Variants in SLCO4C1 observed in about 807,000 individuals in gnomAD.
SLCO4C1 encodes solute carrier organic anion transporter family member 4C1.
SLCO4C1 carries 58 observed loss-of-function variants against 72.1 expected under a neutral mutation model. That is an observed-to-expected ratio of 0.80 (90% confidence interval 0.65 to 1.00). The LOEUF is 1.00. Among genes scored for constraint, SLCO4C1 ranks in the 50% least tolerant of loss-of-function variants. SLCO4C1 has a pLI of 0.00. For synonymous variants in SLCO4C1, 297 were observed against 312.5 expected (o/e 0.95, Z 0.52); for missense variants, 898 against 857.9 (o/e 1.05, Z -0.58).
At chr5:102,265,794 A>T (rs1749026878) in intron 3 of SLCO4C1, among the ~76,000 whole-genome samples, 1 of 152,160 alleles carries the variant, frequency 6.6e-6, no homozygotes, top group Middle Eastern at 3.4e-3. Context: ...GCTATTTGGC[A>T]TCTTTTCTAG....
At chr5:102,260,368 ATATAT>A (rs35999350) in intron 5 of SLCO4C1, 49 bp from the exon 6 acceptor site, 207,479 of 271,974 alleles carry the variant, frequency 0.76, 79,838 homozygotes, top group Middle Eastern at 0.82. Context: ...TATACATATA[ATATAT>A]TATATGTATA....
At position 102,234,752 on chromosome 5, in the gene SLCO4C1, T is replaced by C. The variant is rs1325380825; in HGVS notation, c.*2106A>G. The C allele has an allele frequency of 1.3e-5, 2 of 152,094 alleles. No homozygotes were observed. Among genetic ancestry groups the C allele is most frequent in the Non-Finnish European group, 2.9e-5 (2 of 68,024 alleles). 9.4% of individuals were successfully genotyped at this position (152,094 alleles called of 1,614,324 possible). ...CCTTTATGTTACAACTATGAAAGTC[T>C]TCAATCCAATTCCCTGCTTCCACAC... On this transcript the variant is annotated 3_prime_UTR_variant, in exon 13 of 13. Coordinates refer to ENST00000310954, the MANE Select transcript of SLCO4C1 (RefSeq NM_180991.5).
intron 10 of SLCO4C1, among the ~76,000 whole-genome samples, chr5:102,241,577 C>T (rs1287960807): frequency 6.6e-6 from 1 of 151,792 alleles, no homozygotes; most frequent in Non-Finnish European, 1.5e-5. Context: ...CTATAAAACA[C>T]TGATGAAAGA....
At position 102,260,233 on chromosome 5, in the gene SLCO4C1, CT is replaced by C; in HGVS notation, c.1107del (p.Asp370IlefsTer6). ...NADVKFGKSI[K>X]DFPAALKNLM... ...TTTACCTTTAGAGCAGCTGGAAAAT[CT>C]TTAATACTTTTTCCAAATTTCACAT... On this transcript the variant is annotated frameshift_variant, in exon 6 of 13. Transcript: ENST00000310954. LOFTEE classifies it high-confidence loss of function. 7.2e-7 allele frequency: 1 copy of C among 1,384,450 alleles called. No homozygotes were observed. The allele number at this position is 1,384,450 out of a possible 1,614,324, so 85.8% of individuals were successfully genotyped here. A position where few individuals can be genotyped will look rare whatever the true frequency, so the allele number is the denominator to read the frequency against.
At chr5:102,249,210 G>A (rs1177320550) in intron 9 of SLCO4C1, among the ~76,000 whole-genome samples, 1 of 151,766 alleles carries the variant, frequency 6.6e-6, no homozygotes, top group Non-Finnish European at 1.5e-5. Context: ...GCTAAACATG[G>A]ATCAAAAATA....
At chr5:102,278,172 T>C (rs1749283888) in intron 2 of SLCO4C1, among the ~76,000 whole-genome samples, 1 of 152,120 alleles carries the variant, frequency 6.6e-6, no homozygotes, top group Non-Finnish European at 1.5e-5. Flanking sequence ...GGAAAAAACA[T>C]ATCATCCAAG....
intron 11 of SLCO4C1, among the ~76,000 whole-genome samples, chr5:102,239,799 A>T (rs1322430113): frequency 6.6e-6 from 1 of 152,070 alleles, no homozygotes; most frequent in Non-Finnish European, 1.5e-5. Flanking sequence ...GTGGGTGTGC[A>T]TGTGTATATA....
intron 3 of SLCO4C1, among the ~76,000 whole-genome samples, chr5:102,264,665 A>G (rs911783268): frequency 6.7e-6 from 1 of 150,300 alleles, no homozygotes; most frequent in African/African-American, 2.5e-5. Flanking sequence ...TTGAACATAT[A>G]CAATGAGTAA....
intron 2 of SLCO4C1, among the ~76,000 whole-genome samples, chr5:102,289,707 G>A (rs1445159212): frequency 5.9e-5 from 9 of 152,210 alleles, no homozygotes; most frequent in African/African-American, 2.2e-4. Context: ...GCCTTGTGCA[G>A]TCTTGTCCAA....
At chr5:102,256,978 C>A in intron 8 of SLCO4C1, 137 bp downstream of exon 8, 3 of 584,990 alleles carry the variant, frequency 5.1e-6, no homozygotes, top group Non-Finnish European at 5.4e-6. Flanking sequence ...AAAACAAAAC[C>A]ACATGTTCTT....
At chr5:102,252,053 C>T (rs371547424) in intron 8 of SLCO4C1, among the ~76,000 whole-genome samples, 26 of 140,028 alleles carry the variant, frequency 1.9e-4, no homozygotes, top group Non-Finnish European at 3.7e-4. Context: ...GGGAGAAAAG[C>T]GAGAAGGAAG....
At chr5:102,250,635 A>C (rs541067434) in intron 8 of SLCO4C1, among the ~76,000 whole-genome samples, 22 of 152,268 alleles carry the variant, frequency 1.4e-4, no homozygotes, top group African/African-American at 5.1e-4. Flanking sequence ...AGGACACCTA[A>C]CACAAGCCAA....
intron 2 of SLCO4C1, among the ~76,000 whole-genome samples, chr5:102,284,102 A>G (rs1749405353): frequency 6.6e-6 from 1 of 152,128 alleles, no homozygotes; most frequent in East Asian, 1.9e-4. Flanking sequence ...TTCGGTCGCC[A>G]GAAAAAAATA....
intron 6 of SLCO4C1, among the ~76,000 whole-genome samples, chr5:102,259,839 T>A (rs984924641): frequency 1.3e-5 from 2 of 152,146 alleles, no homozygotes; most frequent in Non-Finnish European, 2.9e-5. Context: ...AAGGAACCAC[T>A]GAATATGATA....
intron 2 of SLCO4C1, among the ~76,000 whole-genome samples, chr5:102,287,754 C>T (rs1749482350): frequency 6.6e-6 from 1 of 151,710 alleles, no homozygotes; most frequent in African/African-American, 2.4e-5. Context: ...CGGGGTTTCA[C>T]TGTGTTGGCC....
chr5:102,274,820 C>T (rs895719160), intron 2 of SLCO4C1, among the ~76,000 whole-genome samples: 1 of 152,082 alleles, frequency 6.6e-6, no homozygotes, highest in African/African-American at 2.4e-5. Context: ...ATCTCCTAAC[C>T]TCCTAACCAC....
At chr5:102,292,347 C>T (rs559704540) in intron 1 of SLCO4C1, among the ~76,000 whole-genome samples, 2 of 152,212 alleles carry the variant, frequency 1.3e-5, no homozygotes, top group African/African-American at 4.8e-5. Flanking sequence ...CACAAGAGAC[C>T]CCATAGGCCA....
At chr5:102,272,237 T>A (rs540602656) in intron 2 of SLCO4C1, among the ~76,000 whole-genome samples, 70 of 152,308 alleles carry the variant, frequency 4.6e-4, no homozygotes, top group African/African-American at 1.6e-3. Context: ...TATCTGGGGT[T>A]TATTTATGGC....
chr5:102,262,274 T>C (rs1165416903), intron 4 of SLCO4C1, among the ~76,000 whole-genome samples: 1 of 152,162 alleles, frequency 6.6e-6, no homozygotes, highest in Admixed American at 6.6e-5. Context: ...GTTTAAAATA[T>C]CTAATAGTAA....
Sources: gnomAD v4.1 joint callset for allele counts (sites outside exome capture counted in the v4.1 genomes callset) on GRCh38, gnomAD v4.1.1 for gene constraint, MANE v1.5 for transcripts, NCBI Gene and HGNC (gene_info 2026-07-23, HGNC 2026-07-21) for gene names.